STARD13: variants seen among roughly 807,000 people sequenced by gnomAD.
STARD13 encodes stAR-related lipid transfer protein 13.
In STARD13, 62 loss-of-function variants were observed where a neutral mutation model predicts 106.4. The observed-to-expected ratio is 0.58, with a 90% confidence interval of 0.48 to 0.72. STARD13 has a LOEUF of 0.72. STARD13 is among the 30% of genes least tolerant of loss of function. The probability of loss-of-function intolerance (pLI) is 0.00; values close to 1 mark genes in which losing one functional copy is unlikely to be tolerated. For missense variants in STARD13, 1,387 were observed against 1,424.0 expected (o/e 0.97, Z 0.42); for synonymous variants, 565 against 553.0 (o/e 1.02, Z -0.31).
intron 1 of STARD13, among the ~76,000 whole-genome samples, chr13:33,238,942 T>C (rs1889330402): frequency 6.6e-6 from 1 of 152,134 alleles, no homozygotes; most frequent in Admixed American, 6.5e-5. Flanking sequence ...TAGTGTTTTT[T>C]CTATGTACAT....
the STARD13 span, among the ~76,000 whole-genome samples, chr13:33,478,476 C>T: frequency 1.3e-5 from 2 of 152,058 alleles, no homozygotes; most frequent in East Asian, 1.9e-4. Context: ...TTTGAACATG[C>T]ACTTAAAGGT....
rs1487078749 is a variant in STARD13, at chr13:33,165,434, A to C, written c.242-16T>G. ...AATTGTGAATCTGAGAGAGAAAGAC[A>C]AAGAAGTTGATGTACTTTGTTTTAT... On this transcript the variant is annotated splice_polypyrimidine_tract_variant and intron_variant, in intron 2 of 13. Transcript: ENST00000336934. The C allele has an allele frequency of 1.3e-6, 2 of 1,596,570 alleles. No homozygotes were observed. The highest frequency in any genetic ancestry group is 1.7e-6 in the Non-Finnish European group (2 of 1,164,182).
chr13:33,121,575 A>AG (rs1876313935), intron 7 of STARD13, among the ~76,000 whole-genome samples: 1 of 139,186 alleles, frequency 7.2e-6, no homozygotes, highest in African/African-American at 2.5e-5. Context: ...CTCAAAAAAA[A>AG]AAAAAAAAAG....
At chr13:33,525,276 G>GC in the STARD13 span, among the ~76,000 whole-genome samples, 418 of 152,084 alleles carry the variant, frequency 2.7e-3, 1 homozygote, top group African/African-American at 9.7e-3. Context: ...TCCTGCTTTG[G>GC]CCTCCCAAAG....
the STARD13 span, among the ~76,000 whole-genome samples, chr13:33,359,198 C>T: frequency 2.4e-3 from 369 of 152,240 alleles, 1 homozygote; most frequent in African/African-American, 7.8e-3. Context: ...TTTGGGTCCA[C>T]GCTGCTTTTA....
chr13:33,200,180 C>G (rs75285065), intron 1 of STARD13, among the ~76,000 whole-genome samples: 15,327 of 152,278 alleles, frequency 0.1, 912 homozygotes, highest in East Asian at 0.32. Context: ...TCTGCTGACA[C>G]AGCTCATGCC....
chr13:33,623,026 G>C, the STARD13 span, among the ~76,000 whole-genome samples: 1 of 152,140 alleles, frequency 6.6e-6, no homozygotes, highest in Admixed American at 6.5e-5. Flanking sequence ...TTGAACCTGG[G>C]AGGCGGAGGT....
chr13:33,353,360 G>A (rs753259424), upstream of STARD13, among the ~76,000 whole-genome samples: 25 of 152,220 alleles, frequency 1.6e-4, no homozygotes, highest in Non-Finnish European at 2.9e-4. Flanking sequence ...TCCAGTTATT[G>A]TTGTCCTTTC....
intron 1 of STARD13, among the ~76,000 whole-genome samples, chr13:33,193,986 T>C (rs775894345): frequency 6.7e-5 from 10 of 149,282 alleles, no homozygotes; most frequent in Non-Finnish European, 9.0e-5. Flanking sequence ...AAAAGGCCCT[T>C]TAAGCTGAGG....
chr13:33,285,492 C>A lies in STARD13; in HGVS notation c.147G>T (p.Gln49His). Residue 49 changes from glutamine (Q) to histidine (H), a missense_variant, in exon 1 of 14, where the codon CAG becomes CAT. Coordinates refer to ENST00000336934, the MANE Select transcript of STARD13 (RefSeq NM_178006.4). ...YRMSRILARH[Q>H]LVTKIQQEIE... is the part of the protein sequence containing the mutation. ...CACCTTGTTGAATTTTAGTCACTAGCTGATGGCGTGCTAGAATCCGGCTCA... is the reference window on the plus strand; with the variant it reads ...CACCTTGTTGAATTTTAGTCACTAGATGATGGCGTGCTAGAATCCGGCTCA... 6.2e-7 allele frequency: 1 copy of A among 1,613,870 alleles called. No individual in the cohort carries two copies. Among genetic ancestry groups the A allele is most frequent in the Non-Finnish European group, 8.5e-7 (1 of 1,179,830 alleles).
the STARD13 span, among the ~76,000 whole-genome samples, chr13:33,651,707 C>T: frequency 6.6e-6 from 1 of 152,186 alleles, no homozygotes; most frequent in South Asian, 2.1e-4. Flanking sequence ...CTCCAGTTCC[C>T]TTCTTTAGGA....
At chr13:33,214,283 G>A (rs578046526) in intron 1 of STARD13, among the ~76,000 whole-genome samples, 2 of 152,224 alleles carry the variant, frequency 1.3e-5, no homozygotes, top group Non-Finnish European at 2.9e-5. Flanking sequence ...AACTTTACAT[G>A]ACTGGGTTGA....
At chr13:33,399,584 C>G in the STARD13 span, among the ~76,000 whole-genome samples, 10 of 150,930 alleles carry the variant, frequency 6.6e-5, no homozygotes, top group African/African-American at 2.4e-4. Flanking sequence ...GCCTGTAGTC[C>G]CGGCTACTTG....
chr13:33,232,645 G>A (rs1299997456), intron 1 of STARD13, among the ~76,000 whole-genome samples: 2 of 152,152 alleles, frequency 1.3e-5, no homozygotes, highest in African/African-American at 2.4e-5. Flanking sequence ...TCTGAAACCA[G>A]CCCAATTGTC....
intron 1 of STARD13, among the ~76,000 whole-genome samples, chr13:33,184,360 G>A (rs531126684): frequency 8.3e-4 from 126 of 152,154 alleles, no homozygotes; most frequent in Admixed American, 2.7e-3. Context: ...ATATGGGCAC[G>A]GCTGCTGCTG....
chr13:33,653,261 TC>T, the STARD13 span, among the ~76,000 whole-genome samples: 1 of 152,138 alleles, frequency 6.6e-6, no homozygotes, highest in Non-Finnish European at 1.5e-5. Context: ...GACTCAAACT[TC>T]CCTCTTCCCA....
chr13:33,445,455 G>C, the STARD13 span, among the ~76,000 whole-genome samples: 1 of 152,082 alleles, frequency 6.6e-6, no homozygotes, highest in African/African-American at 2.4e-5. Context: ...AGTTTCCTTA[G>C]ACAAGTATAT....
intron 4 of STARD13, among the ~76,000 whole-genome samples, chr13:33,136,611 T>A (rs1035217099): frequency 2.6e-5 from 4 of 152,242 alleles, no homozygotes; most frequent in Non-Finnish European, 5.9e-5. Context: ...TTAGCTTTTT[T>A]GCACACTCAT....
the STARD13 span, among the ~76,000 whole-genome samples, chr13:33,452,860 T>G: frequency 1.3e-5 from 2 of 152,378 alleles, no homozygotes; most frequent in South Asian, 4.1e-4. Flanking sequence ...AAAATGTCTT[T>G]TCTTCAACTA....
Sources: gnomAD v4.1 joint callset for allele counts (sites outside exome capture counted in the v4.1 genomes callset) on GRCh38, gnomAD v4.1.1 for gene constraint, MANE v1.5 for transcripts, NCBI Gene and HGNC (gene_info 2026-07-23, HGNC 2026-07-21) for gene names.